The following FAM174A variants were observed in gnomAD, a reference collection of about 807,000 sequenced individuals.
FAM174A encodes the protein membrane protein FAM174A.
In FAM174A, 14 loss-of-function variants were observed where a neutral mutation model predicts 14.3. The ratio of observed to expected loss-of-function variants is 0.98; its 90% confidence interval spans 0.65 to 1.53. FAM174A has a LOEUF of 1.53. Among genes scored for constraint, FAM174A ranks in the 40% most tolerant of loss-of-function variants. FAM174A has a pLI of 0.00. For missense variants in FAM174A, 241 were observed against 249.6 expected (o/e 0.97, Z 0.23); for synonymous variants, 108 against 111.4 (o/e 0.97, Z 0.19).
rs191651125 is a variant in FAM174A at position 100,546,559 on chromosome 5, G to A, written c.434+10595G>A. Among the ~76,000 whole-genome samples the A allele has an allele frequency of 9.1e-4, 139 of 152,216 alleles. 1 individual carries two copies. Among genetic ancestry groups the A allele is most frequent in the African/African-American group, 3.3e-3 (136 of 41,536 alleles). ...TATTCAGTGAGTTCTTGAAGTAATT[G>A]ATTGATTATATTTTTACTCTTTCAT... On this transcript the variant is annotated intron_variant, in intron 1 of 2. Transcript: ENST00000312637.
At position 100,573,388 on chromosome 5, in the gene FAM174A, C is replaced by T. The variant is rs993689571; in HGVS notation, c.569+11200C>T. Among the ~76,000 whole-genome samples the T allele has an allele frequency of 6.3e-3, 953 of 151,832 alleles. 6 individuals are homozygous for T. The highest frequency in any genetic ancestry group is 0.022 in the African/African-American group (901 of 41,366). On this transcript the variant is annotated intron_variant, in intron 2 of 2. Transcript: ENST00000312637. ...TTCTAGGGTTTTTATGGTTTTAGGT[C>T]TAACGTTTAAGTCTTTAATCCATCT...
At chr5:100,556,345 C>G in intron 1 of FAM174A, among the ~76,000 whole-genome samples, 1 of 152,114 alleles carries the variant, frequency 6.6e-6, no homozygotes. Context: ...GTTACTGTAG[C>G]CTTGTAGTAT....
rs535678074 is a variant in FAM174A, at chr5:100,549,026, A to G, written c.435-13028A>G. On this transcript the variant is annotated intron_variant, in intron 1 of 2. Coordinates refer to ENST00000312637, the MANE Select transcript of FAM174A (RefSeq NM_198507.3). Reference sequence around the variant, plus strand: ...AACTTAAATCTCTCTCTGTATTTATATATACGTATATGTATCTATGTATAT... The same window carrying G: ...AACTTAAATCTCTCTCTGTATTTATGTATACGTATATGTATCTATGTATAT... Among the ~76,000 whole-genome samples the G allele has an allele frequency of 2.9e-4, 44 of 152,248 alleles. 1 individual carries two copies. The highest frequency in any genetic ancestry group is 5.1e-4 in the Non-Finnish European group (35 of 67,984).
intron 2 of FAM174A, among the ~76,000 whole-genome samples, chr5:100,584,160 A>G (rs937038433): frequency 3.3e-5 from 5 of 152,186 alleles, no homozygotes; most frequent in Non-Finnish European, 7.3e-5. Flanking sequence ...TGTACAACTA[A>G]AAGACTGGCA....
chr5:100,545,876 C>A (rs954006705), intron 1 of FAM174A, among the ~76,000 whole-genome samples: 15 of 152,078 alleles, frequency 9.9e-5, no homozygotes, highest in African/African-American at 3.4e-4. Flanking sequence ...TTTAAAGGAA[C>A]TATTATTTTT....
At chr5:100,549,877 G>A (rs1022985550) in intron 1 of FAM174A, among the ~76,000 whole-genome samples, 1 of 152,018 alleles carries the variant, frequency 6.6e-6, no homozygotes, top group African/African-American at 2.4e-5. Context: ...TTATATCAAA[G>A]TCACTAATTA....
chr5:100,535,539 C>T lies in FAM174A; in HGVS notation c.9C>T (p.Ala3=), dbSNP rs771865326. ...AGAGCGGTCCGGGAACGATGAAGGC[C>T]TCGCAGTGCTGCTGCTGTCTCAGCC... is the stretch of plus-strand genomic sequence containing the variant. The part of the protein sequence containing the change: MK[A]SQCCCCLSHL... Residue 3 remains alanine (A), a synonymous_variant, in exon 1 of 3, where the codon GCC becomes GCT. Transcript: ENST00000312637. 6.2e-7 allele frequency: 1 copy of T among 1,612,908 alleles called. No homozygotes were observed. The highest frequency in any genetic ancestry group is 8.5e-7 in the Non-Finnish European group (1 of 1,179,878).
In FAM174A at chr5:100,535,579, G is replaced by GTCC. The variant is rs938756587; in HGVS notation, c.57_59dup (p.Leu23dup). On this transcript the variant is annotated inframe_insertion, in exon 1 of 3. Coordinates refer to ENST00000312637, the MANE Select transcript of FAM174A (RefSeq NM_198507.3). ...CTGTCTCAGCCACCTCTTGGCTTCC[G>GTCC]TCCTCCTCCTGCTGTTGCTGCCTGA... 1.2e-6 allele frequency: 2 copies of GTCC among 1,613,246 alleles called. No homozygotes were observed. Among genetic ancestry groups the GTCC allele is most frequent in the Admixed American group, 1.7e-5 (1 of 60,024 alleles).
At chr5:100,547,430 A>G (rs1280894004) in intron 1 of FAM174A, among the ~76,000 whole-genome samples, 1 of 152,118 alleles carries the variant, frequency 6.6e-6, no homozygotes, top group African/African-American at 2.4e-5. Flanking sequence ...TGAAGAGCCC[A>G]GTTTGAAAAC....
chr5:100,572,504 C>T (rs576928634), intron 2 of FAM174A, among the ~76,000 whole-genome samples: 2,036 of 147,050 alleles, frequency 0.014, 49 homozygotes, highest in African/African-American at 0.047. Context: ...ATGCGGTGTT[C>T]GGTTTTTTGT....
chr5:100,544,868 A>G (rs1293788979), intron 1 of FAM174A, among the ~76,000 whole-genome samples: 2 of 152,232 alleles, frequency 1.3e-5, no homozygotes, highest in Admixed American at 1.3e-4. Context: ...TAGTTATTGC[A>G]AAGTTTTTCT....
At chr5:100,550,640 T>G (rs1013450875) in intron 1 of FAM174A, among the ~76,000 whole-genome samples, 2 of 152,252 alleles carry the variant, frequency 1.3e-5, no homozygotes, top group African/African-American at 4.8e-5. Context: ...CTTAAATAAG[T>G]ATACAAGTGA....
In FAM174A at chr5:100,546,602, T is replaced by C. The variant is rs561562792; in HGVS notation, c.434+10638T>C. 2.6e-5 allele frequency among the ~76,000 whole-genome samples: 4 copies of C among 152,308 alleles called. No homozygotes were observed. The East Asian group carries it at 7.7e-4, about 29-fold the overall frequency. ...TCTTTCATTGGTATGAATTTGCATC[T>C]TACCAAATAGTAAAACAAATTTCTA... On this transcript the variant is annotated intron_variant, in intron 1 of 2. Transcript: ENST00000312637.
At chr5:100,538,814 A>G (rs981029280) in intron 1 of FAM174A, among the ~76,000 whole-genome samples, 5 of 146,962 alleles carry the variant, frequency 3.4e-5, no homozygotes, top group Non-Finnish European at 7.4e-5. Flanking sequence ...TAATACTTTT[A>G]TTTCCTTCCT....
At position 100,573,524 on chromosome 5, in the gene FAM174A, T is replaced by C. The variant is rs1746838187; in HGVS notation, c.569+11336T>C. Among the ~76,000 whole-genome samples, 6 of 152,118 alleles carry C rather than the reference T, an allele frequency of 3.9e-5. No individual in the cohort carries two copies. In the South Asian group the frequency reaches 1.2e-3, roughly 32 times the overall value. On this transcript the variant is annotated intron_variant, in intron 2 of 2. Transcript: ENST00000312637. ...CTAGGAATACAACTTACAAGGGATG[T>C]GAAGGACCTCTTCAAGGAGAACTAC...
chr5:100,560,977 C>A (rs187262444), intron 1 of FAM174A, among the ~76,000 whole-genome samples: 340 of 151,990 alleles, frequency 2.2e-3, no homozygotes, highest in South Asian at 3.5e-3. Context: ...TGAAGAACAT[C>A]TTAATTGATA....
chr5:100,585,398 T>C (rs1580381294), intron 2 of FAM174A, among the ~76,000 whole-genome samples: 1 of 152,168 alleles, frequency 6.6e-6, no homozygotes, highest in East Asian at 1.9e-4. Flanking sequence ...GCATACTTTT[T>C]TCTTAAATTT....
intron 1 of FAM174A, among the ~76,000 whole-genome samples, chr5:100,544,452 A>G (rs947746708): frequency 5.9e-5 from 9 of 151,962 alleles, no homozygotes; most frequent in Admixed American, 5.3e-4. Flanking sequence ...ACAGAGAGAG[A>G]AGGAGAGGAG....
chr5:100,585,391 T>C (rs375406654), intron 2 of FAM174A, among the ~76,000 whole-genome samples: 2 of 152,172 alleles, frequency 1.3e-5, no homozygotes, highest in South Asian at 2.1e-4. Flanking sequence ...ATTCATGGCA[T>C]ACTTTTTTCT....
Sources: allele counts gnomAD v4.1 joint callset (sites outside exome capture counted in the v4.1 genomes callset), GRCh38; gene constraint gnomAD v4.1.1; transcripts MANE v1.5; gene names NCBI Gene and HGNC (gene_info 2026-07-23, HGNC 2026-07-21).